The following MYLK2 variants were observed in gnomAD, a reference collection of about 807,000 sequenced individuals.
MYLK2 encodes myosin light chain kinase 2, skeletal/cardiac muscle.
In MYLK2, 27 loss-of-function variants were observed where a neutral mutation model predicts 58.2. The ratio of observed to expected loss-of-function variants is 0.46; its 90% CI spans 0.34 to 0.64. The LOEUF is 0.64. Among genes scored for constraint, MYLK2 ranks in the 30% least tolerant of loss-of-function variants. MYLK2 has a pLI of 0.01. For synonymous variants in MYLK2, 310 were observed against 296.7 expected, an observed-to-expected ratio of 1.04 and a Z score of -0.46; for missense variants, 676 against 764.3, an observed-to-expected ratio of 0.88 and a Z score of 1.36.
chr20:31,824,900 G>A (rs1406748945), intron 6 of MYLK2, among the ~76,000 whole-genome samples: 3 of 152,232 alleles, frequency 2.0e-5, no homozygotes, highest in Non-Finnish European at 2.9e-5. Context: ...GTGACTCAGG[G>A]AAACTGCGGG....
At position 31,821,330 on chromosome 20, in the gene MYLK2, C is replaced by T. The variant is rs2062250873; in HGVS notation, c.474-109C>T. 51 of 1,316,786 alleles carry T rather than the reference C, an allele frequency of 3.9e-5. No individual in the cohort carries two copies. The South Asian group carries it at 6.1e-4, about 16-fold the overall frequency. The allele number at this position is 1,316,786 out of a possible 1,614,324, so 81.6% of individuals were successfully genotyped here. A position where few individuals can be genotyped will look rare whatever the true frequency, so the allele number is the denominator to read the frequency against. On this transcript the variant is annotated intron_variant, in intron 3 of 12. Coordinates refer to ENST00000375985, the MANE Select transcript of MYLK2 (RefSeq NM_033118.4). Reference sequence around the variant, plus strand: ...ACCAGGTGAATTTGGCTGTATTACACCATGCATTTGGGGTGGGGTTGGATT... The same window carrying T: ...ACCAGGTGAATTTGGCTGTATTACATCATGCATTTGGGGTGGGGTTGGATT...
Position 31,820,272 on chromosome 20 carries a change from G to C in MYLK2, c.199G>C (p.Ala67Pro). 1 of 1,613,876 alleles carries C rather than the reference G, an allele frequency of 6.2e-7. No homozygotes were observed. The change falls in exon 3 of 13, where the codon GCC becomes CCC. Residue 67 changes from alanine (A) to proline (P), a missense_variant. By Grantham distance (27) the Ala-to-Pro change is conservative. Coordinates refer to ENST00000375985, the MANE Select transcript of MYLK2 (RefSeq NM_033118.4). ...PASEKGDGTL[A>P]QPSTSSQGPK... ...CTCAGAGAAAGGGGATGGTACCCTG[G>C]CCCAACCCTCAACTAGCAGCCAAGG...
intron 8 of MYLK2, chr20:31,827,159 C>T (rs1411514517): frequency 1.0e-6 from 1 of 984,564 alleles, no homozygotes; most frequent in Non-Finnish European, 1.2e-6. Flanking sequence ...AGACGTGGTA[C>T]CAGCTTTCAT....
chr20:31,819,867 T>C (rs2062242609), intron 2 of MYLK2, among the ~76,000 whole-genome samples: 1 of 152,110 alleles, frequency 6.6e-6, no homozygotes, highest in South Asian at 2.1e-4. Flanking sequence ...CTGCTGGGGA[T>C]GCACCTAAAC....
chr20:31,822,509 C>T (rs2062256189), intron 4 of MYLK2, among the ~76,000 whole-genome samples: 2 of 152,166 alleles, frequency 1.3e-5, no homozygotes. Flanking sequence ...AGACAAGCAG[C>T]CCGTGGCTTG....
Position 31,833,774 on chromosome 20 carries a change from G to T in MYLK2, c.1768G>T (p.Ala590Ser), listed in dbSNP as rs150004017. 4.3e-6 allele frequency: 7 copies of T among 1,613,304 alleles called. No homozygotes were observed. The highest frequency in any genetic ancestry group is 1.7e-5 in the Admixed American group (1 of 59,998). ...NRFKKISSSG[A>S]LMALGV ...CTTCAAGAAGATCAGCAGCTCGGGGGCACTGATGGCTCTGGGGGTCTGAGC... is the reference window on the plus strand; with the variant it reads ...CTTCAAGAAGATCAGCAGCTCGGGGTCACTGATGGCTCTGGGGGTCTGAGC... The change falls in exon 13 of 13, where the codon GCA (alanine) becomes TCA (serine). Residue 590 changes from alanine to serine, a missense_variant. Ala to Ser is a moderately conservative substitution (Grantham distance 99). This residue lies in a region of MYLK2 where 370 missense variants were observed against 467.8 expected (regional missense o/e 0.79). Transcript: ENST00000375985.
Position 31,820,284 on chromosome 20 carries a change from A to G in MYLK2, c.211A>G (p.Thr71Ala). The change falls in exon 3 of 13, where the codon ACT (threonine) becomes GCT (alanine). Residue 71 changes from threonine (T) to alanine (A), a missense_variant. This residue lies in a region of MYLK2 where 306 missense variants were observed against 296.5 expected (regional missense o/e 1.03). Coordinates refer to ENST00000375985, the MANE Select transcript of MYLK2 (RefSeq NM_033118.4). ...GGATGGTACCCTGGCCCAACCCTCA[A>G]CTAGCAGCCAAGGCCCCAAAGGAGA... Reference protein sequence around the residue: ...KGDGTLAQPSTSSQGPKGEGD... With the variant: ...KGDGTLAQPSASSQGPKGEGD... The G allele has an allele frequency of 1.2e-6, 2 of 1,613,736 alleles. No individual in the cohort carries two copies. Among genetic ancestry groups the G allele is most frequent in the South Asian group, 1.1e-5 (1 of 91,082 alleles).
intron 12 of MYLK2, among the ~76,000 whole-genome samples, chr20:31,833,435 C>T (rs73613741): frequency 1.3e-5 from 2 of 152,226 alleles, no homozygotes; most frequent in East Asian, 1.9e-4. Flanking sequence ...AGGGACTCAT[C>T]GGCCATGGCA....
chr20:31,823,603 T>G, intron 5 of MYLK2, 21 bp downstream of exon 5: 3 of 1,608,226 alleles, frequency 1.9e-6, no homozygotes, highest in Non-Finnish European at 2.6e-6. Context: ...GGACCCCAGC[T>G]GGGCACTCAT....
rs371425157 is a variant in MYLK2, at chr20:31,831,517, A to G, written c.1425-186A>G. Among the ~76,000 whole-genome samples the G allele has an allele frequency of 6.6e-5, 10 of 152,120 alleles. No individual in the cohort carries two copies. The East Asian group carries it at 1.5e-3, about 24-fold the overall frequency. ...TACAGATGAGAAGAGTGAGGCTCAG[A>G]GAGGGGAGATGACTTACCCAAAGTC... is the stretch of plus-strand genomic sequence containing the variant. On this transcript the variant is annotated intron_variant, in intron 10 of 12. Transcript: ENST00000375985.
chr20:31,823,622 A>G, intron 5 of MYLK2, 40 bp downstream of exon 5: 1 of 1,581,660 alleles, frequency 6.3e-7, no homozygotes, highest in Non-Finnish European at 8.7e-7. Flanking sequence ...ATGGACAGAG[A>G]GTACACCGGG....
chr20:31,824,894 C>T (rs183750840), intron 6 of MYLK2, among the ~76,000 whole-genome samples: 50 of 152,318 alleles, frequency 3.3e-4, no homozygotes, highest in Non-Finnish European at 6.0e-4. Flanking sequence ...ACAGCTGTGA[C>T]TCAGGGAAAC....
At position 31,824,310 on chromosome 20, in the gene MYLK2, G is replaced by A. The variant is rs751685367; in HGVS notation, c.930G>A (p.Lys310=). Residue 310 remains lysine, a synonymous_variant, in exon 6 of 13, where the codon AAG becomes AAA. Transcript: ENST00000375985. ...GCATGGAGAAAGCCACAGGCCTCAA[G>A]CTGGCAGCCAAGGTCATCAAGAAAC... is the stretch of plus-strand genomic sequence containing the variant. ...CTCMEKATGL[K]LAAKVIKKQT... 6.2e-7 allele frequency: 1 copy of A among 1,613,662 alleles called. No individual in the cohort carries two copies. Among genetic ancestry groups the A allele is most frequent in the Non-Finnish European group, 8.5e-7 (1 of 1,179,812 alleles).
Position 31,823,009 on chromosome 20 carries a change from A to G in MYLK2, c.773-468A>G, listed in dbSNP as rs558607969. Among the ~76,000 whole-genome samples, 46 of 151,706 alleles carry G rather than the reference A, an allele frequency of 3.0e-4. 1 individual carries two copies. In the South Asian group the frequency reaches 7.3e-3, roughly 24 times the overall value. On this transcript the variant is annotated intron_variant, in intron 4 of 12. Transcript: ENST00000375985. ...TGGCGCCCTCTCCCCACCAAACAGCACGGTCCCCGGTCCCGCCCCGCCATG... is the reference window on the plus strand; with the variant it reads ...TGGCGCCCTCTCCCCACCAAACAGCGCGGTCCCCGGTCCCGCCCCGCCATG...
chr20:31,831,949 C>G (rs2062308579), intron 11 of MYLK2, 55 bp from the exon 12 acceptor site: 1 of 1,612,786 alleles, frequency 6.2e-7, no homozygotes. Context: ...GCCAGCTGAG[C>G]CCCTGGGGCC....
Position 31,830,834 on chromosome 20 carries a change from T to C in MYLK2, c.1240T>C (p.Cys414Arg). Residue 414 changes from cysteine (C) to arginine (R), a missense_variant, in exon 9 of 13, where the codon TGT becomes CGT. Transcript: ENST00000375985. ...HLDLKPENIL[C>R]VNTTGHLVKI... Reference sequence around the variant, plus strand: ...TTCTCCTCAGCCAGAGAACATCCTGTGTGTCAACACCACCGGGCATTTGGT... The same window carrying C: ...TTCTCCTCAGCCAGAGAACATCCTGCGTGTCAACACCACCGGGCATTTGGT... The C allele has an allele frequency of 6.2e-7, 1 of 1,612,660 alleles. No individual in the cohort carries two copies. The highest frequency in any genetic ancestry group is 8.5e-7 in the Non-Finnish European group (1 of 1,179,506).
chr20:31,828,293 G>A, intron 8 of MYLK2: 1 of 985,418 alleles, frequency 1.0e-6, no homozygotes, highest in Non-Finnish European at 1.2e-6. Context: ...CAGGAGTGCA[G>A]GGGGTTGGCA....
intron 8 of MYLK2, chr20:31,827,274 A>G: frequency 1.0e-6 from 1 of 985,426 alleles, no homozygotes. Context: ...AAGTGTTGCA[A>G]TAGCACCTGC....
rs1188578785 is a variant in MYLK2, at chr20:31,831,726, T to C, written c.1448T>C (p.Leu483Pro). 6.2e-7 allele frequency: 1 copy of C among 1,613,778 alleles called. No homozygotes were observed. Among genetic ancestry groups the C allele is most frequent in the Admixed American group, 1.7e-5 (1 of 59,988 alleles). Residue 483 changes from leucine (L) to proline (P), a missense_variant, in exon 11 of 13, where the codon CTG becomes CCG. By Grantham distance (98) the Leu-to-Pro change is moderately conservative. Around this residue, in one of 2 missense-constraint regions of MYLK2, gnomAD observed 370 missense variants for 467.8 expected, o/e 0.79. Transcript: ENST00000375985. ...AGGCTGAGCGGCCTCTCCCCCTTCC[T>C]GGGAGATGATGACACAGAGACCCTA... Reference protein sequence around the residue: ...YMLLSGLSPFLGDDDTETLNN... With the variant: ...YMLLSGLSPFPGDDDTETLNN...
Sources: gnomAD v4.1 joint callset for allele counts (sites outside exome capture counted in the v4.1 genomes callset) on GRCh38, gnomAD v4.1.1 for gene constraint, gnomAD v4.1.1 regional missense constraint, MANE v1.5 for transcripts, NCBI Gene and HGNC (gene_info 2026-07-23, HGNC 2026-07-21) for gene names.